Variants in P4HA3 observed in about 807,000 individuals in gnomAD.
P4HA3 encodes prolyl 4-hydroxylase subunit alpha-3.
A neutral mutation model predicts 66.7 loss-of-function variants in P4HA3; 60 were observed. That is an observed-to-expected ratio of 0.90 (90% CI 0.73 to 1.12). The LOEUF is 1.12. P4HA3 is among the 50% of genes most tolerant of loss of function. The pLI, the probability that P4HA3 is intolerant of heterozygous loss-of-function variation, is 0.00. For synonymous variants in P4HA3, 263 were observed against 274.6 expected (o/e 0.96, Z 0.42); for missense variants, 683 against 685.8 (o/e 1.00, Z 0.05).
intron 3 of P4HA3, 150 bp from the exon 4 acceptor site, chr11:74,298,511 T>C (rs1861298979): frequency 1.1e-6 from 1 of 916,608 alleles, no homozygotes; most frequent in Non-Finnish European, 1.6e-6. Context: ...GCATCTACTA[T>C]ATACAACGCA....
At chr11:74,279,059 A>G (rs1860500174) in intron 8 of P4HA3, among the ~76,000 whole-genome samples, 1 of 152,218 alleles carries the variant, frequency 6.6e-6, no homozygotes. Context: ...GGAATCTTGT[A>G]AAGTTAAATT....
intron 15 of P4HA3, chr11:74,250,646 T>G (rs1168535549): frequency 3.0e-5 from 8 of 263,184 alleles, no homozygotes; most frequent in Non-Finnish European, 5.1e-5. Flanking sequence ...AAAATGTTGG[T>G]TTTTGTGTTT....
intron 14 of P4HA3, chr11:74,260,150 G>A (rs1006434081): frequency 9.9e-5 from 15 of 152,226 alleles, no homozygotes; most frequent in African/African-American, 3.4e-4. Context: ...CAAATGTGGA[G>A]GGAGAAGGAG....
chr11:74,294,409 G>A (rs562900199), intron 4 of P4HA3, among the ~76,000 whole-genome samples: 52 of 152,112 alleles, frequency 3.4e-4, no homozygotes, highest in Non-Finnish European at 6.5e-4. Context: ...CCTGTAGCTC[G>A]GAGTAGTTTG....
intron 5 of P4HA3, 79 bp from the exon 6 acceptor site, chr11:74,286,470 C>T (rs768524975): frequency 1.5e-6 from 2 of 1,347,410 alleles, no homozygotes; most frequent in African/African-American, 1.5e-5. Flanking sequence ...AGGTTTCCTC[C>T]AGCTTCACTG....
At chr11:74,270,378 A>C (rs1460423165) in intron 10 of P4HA3, among the ~76,000 whole-genome samples, 1 of 152,176 alleles carries the variant, frequency 6.6e-6, no homozygotes, top group African/African-American at 2.4e-5. Context: ...GAGTTTCATC[A>C]CTGGTCTGTT....
chr11:74,256,176 T>G (rs1346397004), intron 15 of P4HA3, among the ~76,000 whole-genome samples: 2 of 152,198 alleles, frequency 1.3e-5, no homozygotes, highest in Non-Finnish European at 2.9e-5. Flanking sequence ...AAAACTGGCT[T>G]GCTTCCACAT....
At chr11:74,302,668 C>A in intron 2 of P4HA3, 76 bp from the exon 3 acceptor site, 7 of 1,304,088 alleles carry the variant, frequency 5.4e-6, no homozygotes, top group Non-Finnish European at 7.4e-6. Context: ...AAGGCATGAC[C>A]ACCTGTTCAA....
rs1446591730 is a variant in P4HA3, at chr11:74,309,124, T to C, written c.200+2288A>G. ...ATAACATAGCATAGTAGGAAAAAAG[T>C]TGGATAAACAATCAAAACAACTGTG... On this transcript the variant is annotated intron_variant, in intron 1 of 12. Coordinates refer to ENST00000331597, the MANE Select transcript of P4HA3 (RefSeq NM_182904.5). Among the ~76,000 whole-genome samples, 3 of 152,168 alleles carry C rather than the reference T, an allele frequency of 2.0e-5. No homozygotes were observed. In the East Asian group the frequency reaches 5.8e-4, roughly 29 times the overall value.
downstream of P4HA3, among the ~76,000 whole-genome samples, chr11:74,262,977 T>C (rs1054883707): frequency 4.6e-5 from 7 of 152,262 alleles, no homozygotes; most frequent in African/African-American, 1.7e-4. Context: ...GGGTGGCCGC[T>C]GCACCTTGTG....
rs78644819 is a variant in P4HA3 at position 74,268,575 on chromosome 11, T to C, written c.1468-334A>G. On this transcript the variant is annotated intron_variant, in intron 11 of 12. Transcript: ENST00000331597. ...GGGAGAAAGGTGAGCACATTTGTCA[T>C]TGGGTCACTGAGGAGAAACACCGAA... Among the ~76,000 whole-genome samples the C allele has an allele frequency of 3.5e-3, 529 of 152,274 alleles. 1 individual carries two copies. Among genetic ancestry groups the C allele is most frequent in the African/African-American group, 0.012 (498 of 41,558 alleles).
intron 1 of P4HA3, among the ~76,000 whole-genome samples, chr11:74,307,763 C>T (rs1861617163): frequency 6.6e-6 from 1 of 152,194 alleles, no homozygotes; most frequent in Admixed American, 6.5e-5. Flanking sequence ...CAACCCAATC[C>T]CTGCATTAAA....
chr11:74,304,877 G>A (rs774766115), intron 1 of P4HA3, among the ~76,000 whole-genome samples: 6 of 152,102 alleles, frequency 3.9e-5, no homozygotes, highest in Admixed American at 2.6e-4. Context: ...TTTTTTCCAC[G>A]GACCGGGGGG....
In P4HA3 at chr11:74,311,392, C is replaced by G. The variant is rs1261228286; in HGVS notation, c.200+20G>C. The G allele has an allele frequency of 6.7e-7, 1 of 1,483,822 alleles. No homozygotes were observed. The highest frequency in any genetic ancestry group is 2.3e-5 in the Admixed American group (1 of 42,556). 91.9% of individuals were successfully genotyped at this position (1,483,822 alleles called of 1,614,324 possible). ...ATCCCACTGAGGCCCCTCGGTCGCT[C>G]CCACTCGTCGTGCCCTCACCTAGTC... On this transcript the variant is annotated intron_variant, in intron 1 of 12. Transcript: ENST00000331597.
At chr11:74,266,007 G>A (rs183666801), downstream of P4HA3, among the ~76,000 whole-genome samples, 8 of 152,218 alleles carry the variant, frequency 5.3e-5, no homozygotes, top group African/African-American at 1.2e-4. Flanking sequence ...GCATGGTCAC[G>A]GAAGCTCTGT....
rs918342877 is a variant in P4HA3 at position 74,266,953 on chromosome 11, C to G, written c.*295G>C. The G allele has an allele frequency of 7.3e-7, 1 of 1,371,978 alleles. No individual in the cohort carries two copies. The highest frequency in any genetic ancestry group is 9.7e-7 in the Non-Finnish European group (1 of 1,030,514). The allele number at this position is 1,371,978 out of a possible 1,614,324, so 85.0% of individuals were successfully genotyped here. ...ATCGAACCTGAGACTGTTGAGATGTCCTGTTCCCAACAGAGAGTATCTGAA... is the reference window on the plus strand; with the variant it reads ...ATCGAACCTGAGACTGTTGAGATGTGCTGTTCCCAACAGAGAGTATCTGAA... On this transcript the variant is annotated 3_prime_UTR_variant, in exon 13 of 13. Transcript: ENST00000331597.
At chr11:74,289,493 G>A (rs1024854803) in intron 4 of P4HA3, among the ~76,000 whole-genome samples, 2 of 151,662 alleles carry the variant, frequency 1.3e-5, no homozygotes, top group African/African-American at 2.4e-5. Flanking sequence ...TGTGCACAAC[G>A]TGCAGGTTTG....
intron 15 of P4HA3, chr11:74,251,510 C>CT: frequency 6.8e-7 from 1 of 1,464,818 alleles, no homozygotes; most frequent in East Asian, 2.4e-5. Context: ...GGCCTAGGTC[C>CT]TTTTAATTTC....
intron 11 of P4HA3, 41 bp from the exon 12 acceptor site, chr11:74,268,282 A>G (rs1169263298): frequency 6.5e-7 from 1 of 1,531,126 alleles, no homozygotes; most frequent in Non-Finnish European, 9.0e-7. Flanking sequence ...GTCAGCCCAG[A>G]ACCTCAGTCC....
Sources: allele counts gnomAD v4.1 joint callset (sites outside exome capture counted in the v4.1 genomes callset), GRCh38; gene constraint gnomAD v4.1.1; transcripts MANE v1.5; gene names NCBI Gene and HGNC (gene_info 2026-07-23, HGNC 2026-07-21).